Variants in ZFAND3 observed in about 807,000 individuals in gnomAD.
The protein encoded by ZFAND3 is AN1-type zinc finger protein 3.
In ZFAND3, 10 loss-of-function variants were observed where a neutral mutation model predicts 29.6. The observed-to-expected ratio is 0.34, with a 90% CI of 0.21 to 0.57. ZFAND3 has a LOEUF of 0.57. Among genes scored for constraint, ZFAND3 ranks in the 20% least tolerant of loss-of-function variants. ZFAND3 has a pLI of 0.86. For missense variants in ZFAND3, 230 were observed against 304.5 expected (o/e 0.76, Z 1.82); for synonymous variants, 128 against 112.6 (o/e 1.14, Z -0.87).
chr6:37,954,765 T>G (rs1384411095), intron 2 of ZFAND3, among the ~76,000 whole-genome samples: 1 of 152,196 alleles, frequency 6.6e-6, no homozygotes, highest in Non-Finnish European at 1.5e-5. Context: ...GGAAACAGTT[T>G]TATCTTTTGT....
chr6:37,923,344 C>T (rs990043522), intron 1 of ZFAND3, among the ~76,000 whole-genome samples: 2 of 152,214 alleles, frequency 1.3e-5, no homozygotes, highest in African/African-American at 2.4e-5. Context: ...TAGGCCTGCA[C>T]AGAGTCAGGA....
intron 2 of ZFAND3, among the ~76,000 whole-genome samples, chr6:37,977,007 T>C (rs1762490723): frequency 6.6e-6 from 1 of 152,218 alleles, no homozygotes; most frequent in Non-Finnish European, 1.5e-5. Flanking sequence ...ATACCTTTTA[T>C]GGTCATGTGT....
At chr6:38,106,032 C>A (rs1270524913) in intron 4 of ZFAND3, among the ~76,000 whole-genome samples, 2 of 152,114 alleles carry the variant, frequency 1.3e-5, no homozygotes, top group East Asian at 3.8e-4. Context: ...TCCCTGAAAA[C>A]TCATCAAACT....
At position 37,937,662 on chromosome 6, in the gene ZFAND3, AAAAAAAAAAAAG is replaced by A. The variant is rs1212569203; in HGVS notation, c.112+7664_112+7675del. ...GAGCGAGACTCCGTCTCAAAAAAAA[AAAAAAAAAAAAG>A]GCAAAAAAAGTAACTGCTGCTCTTA... On this transcript the variant is annotated intron_variant, in intron 2 of 5. Transcript: ENST00000287218. 3.3e-5 allele frequency among the ~76,000 whole-genome samples: 5 copies of A among 151,420 alleles called. 1 individual carries two copies. The highest frequency in any genetic ancestry group is 7.4e-5 in the Non-Finnish European group (5 of 67,804).
chr6:38,114,327 C>T (rs1185568482), intron 4 of ZFAND3, among the ~76,000 whole-genome samples: 2 of 152,212 alleles, frequency 1.3e-5, no homozygotes, highest in African/African-American at 4.8e-5. Flanking sequence ...CAGCTGACTG[C>T]TTTGTAATGA....
chr6:37,983,173 G>A (rs1762608417), intron 2 of ZFAND3, among the ~76,000 whole-genome samples: 1 of 151,572 alleles, frequency 6.6e-6, no homozygotes, highest in South Asian at 2.1e-4. Context: ...AGAAGTAGAA[G>A]GAAAAAATAT....
At chr6:37,882,800 T>A (rs1764920491) in intron 1 of ZFAND3, among the ~76,000 whole-genome samples, 1 of 152,240 alleles carries the variant, frequency 6.6e-6, no homozygotes, top group Non-Finnish European at 1.5e-5. Flanking sequence ...CCTCTTTGTT[T>A]CTATGTCTGT....
At chr6:37,921,532 G>C (rs1761378753) in intron 1 of ZFAND3, among the ~76,000 whole-genome samples, 1 of 151,864 alleles carries the variant, frequency 6.6e-6, no homozygotes, top group Admixed American at 6.6e-5. Flanking sequence ...ATGTTTCTCT[G>C]AGTGGGGAGA....
intron 4 of ZFAND3, among the ~76,000 whole-genome samples, chr6:38,084,877 G>A (rs1764728368): frequency 6.6e-6 from 1 of 152,212 alleles, no homozygotes; most frequent in African/African-American, 2.4e-5. Flanking sequence ...ATCAAGTTAA[G>A]CCAGCTGTAC....
chr6:37,981,723 C>T (rs1177378683), intron 2 of ZFAND3, among the ~76,000 whole-genome samples: 1 of 152,104 alleles, frequency 6.6e-6, no homozygotes, highest in African/African-American at 2.4e-5. Flanking sequence ...AGAAGGTCAA[C>T]ATGAGTTGTG....
intron 2 of ZFAND3, among the ~76,000 whole-genome samples, chr6:38,013,855 C>CA (rs1185051734): frequency 1.3e-5 from 2 of 152,266 alleles, no homozygotes; most frequent in South Asian, 4.1e-4. Flanking sequence ...GGATGTTCAG[C>CA]AAAAGTTAAT....
intron 2 of ZFAND3, among the ~76,000 whole-genome samples, chr6:37,965,154 G>A (rs1178601973): frequency 6.6e-6 from 1 of 152,100 alleles, no homozygotes. Flanking sequence ...CATAAAATAT[G>A]TCCTGATTTT....
chr6:38,138,249 CAGT>C (rs555149224), intron 5 of ZFAND3, among the ~76,000 whole-genome samples: 34 of 152,214 alleles, frequency 2.2e-4, no homozygotes, highest in African/African-American at 6.3e-4. Flanking sequence ...TAAAAATAGA[CAGT>C]GGTGGTGGTT....
chr6:38,144,210 TAATATATAATATATATA>T (rs1562016069), intron 5 of ZFAND3, among the ~76,000 whole-genome samples: 2 of 37,062 alleles, frequency 5.4e-5, no homozygotes, highest in South Asian at 5.5e-4. Flanking sequence ...TATATATATA[TAATATATAATATATATA>T]TATATTTTTT....
At chr6:37,844,469 G>A (rs539797621) in intron 1 of ZFAND3, among the ~76,000 whole-genome samples, 2 of 151,134 alleles carry the variant, frequency 1.3e-5, no homozygotes, top group South Asian at 2.1e-4. Context: ...TCTTAGTAGC[G>A]ATGGGGTTTC....
chr6:38,049,718 A>T (rs1389174468), intron 2 of ZFAND3, among the ~76,000 whole-genome samples: 1 of 152,192 alleles, frequency 6.6e-6, no homozygotes, highest in Non-Finnish European at 1.5e-5. Context: ...GATCATTGTC[A>T]TCTTCTCTGA....
chr6:37,893,326 A>G (rs1264955232), intron 1 of ZFAND3, among the ~76,000 whole-genome samples: 2 of 152,192 alleles, frequency 1.3e-5, no homozygotes, highest in East Asian at 1.9e-4. Context: ...AGAATGAAAA[A>G]CAAATTATAT....
intron 1 of ZFAND3, among the ~76,000 whole-genome samples, chr6:37,856,011 T>G (rs77300123): frequency 3.4e-5 from 5 of 145,908 alleles, no homozygotes; most frequent in East Asian, 2.0e-4. Context: ...GTAGTTCTGG[T>G]TTTTTTTTTT....
At position 38,061,135 on chromosome 6, in the gene ZFAND3, T is replaced by C. The variant is rs574155619; in HGVS notation, c.113-458T>C. On this transcript the variant is annotated intron_variant, in intron 2 of 5. Coordinates refer to ENST00000287218, the MANE Select transcript of ZFAND3 (RefSeq NM_021943.3). ...TCCAAATATTCTGCCTTTTAGCTGA[T>C]AAGTTCAGTCTGTTTACATTTATTA... Among the ~76,000 whole-genome samples, 12 of 152,362 alleles carry C rather than the reference T, an allele frequency of 7.9e-5. No individual in the cohort carries two copies. In the South Asian group the frequency reaches 2.3e-3, roughly 29 times the overall value.
Sources: allele counts gnomAD v4.1 joint callset (sites outside exome capture counted in the v4.1 genomes callset), GRCh38; gene constraint gnomAD v4.1.1; transcripts MANE v1.5; gene names NCBI Gene and HGNC (gene_info 2026-07-23, HGNC 2026-07-21).